PRKCA: variants seen among roughly 807,000 people sequenced by gnomAD.
PRKCA encodes the protein protein kinase C alpha.
In PRKCA, 27 loss-of-function variants were observed where a neutral mutation model predicts 87.0. The ratio of observed to expected loss-of-function variants is 0.31; its 90% confidence interval spans 0.23 to 0.43. The LOEUF (loss-of-function observed/expected upper bound fraction) is 0.43. Ranked by LOEUF, PRKCA falls within the 20% of genes least tolerant of loss-of-function variation. The pLI is 1.00. For synonymous variants in PRKCA, 329 were observed against 311.1 expected (o/e 1.06, Z -0.61); for missense variants, 518 against 852.3 (o/e 0.61, Z 4.88).
intron 3 of PRKCA, among the ~76,000 whole-genome samples, chr17:66,512,568 T>A (rs1293662738): frequency 6.6e-6 from 1 of 151,828 alleles, no homozygotes; most frequent in African/African-American, 2.4e-5. Context: ...GACCAGAACA[T>A]CCCAAGCTCA....
At chr17:66,604,382 T>C (rs1970150196) in intron 3 of PRKCA, among the ~76,000 whole-genome samples, 1 of 152,234 alleles carries the variant, frequency 6.6e-6, no homozygotes, top group South Asian at 2.1e-4. Context: ...CCGAAGGCCA[T>C]GCACAGTTAT....
intron 2 of PRKCA, among the ~76,000 whole-genome samples, chr17:66,353,411 CTTCTGTTTTGAA>C (rs1907871865): frequency 6.6e-6 from 1 of 152,102 alleles, no homozygotes; most frequent in African/African-American, 2.4e-5. Flanking sequence ...TCCCTTCCGA[CTTCTGTTTTGAA>C]AGCACCAAGG....
At chr17:66,410,131 A>G (rs1306743866) in intron 2 of PRKCA, among the ~76,000 whole-genome samples, 2 of 152,200 alleles carry the variant, frequency 1.3e-5, no homozygotes, top group Non-Finnish European at 2.9e-5. Flanking sequence ...CCCTTTCACT[A>G]AACTTTATAG....
intron 2 of PRKCA, among the ~76,000 whole-genome samples, chr17:66,379,735 G>T (rs943835368): frequency 3.9e-5 from 6 of 152,184 alleles, no homozygotes; most frequent in African/African-American, 1.4e-4. Flanking sequence ...AGTCCAGTTT[G>T]TCTTTTTTTG....
At chr17:66,614,405 A>C (rs1482260020) in intron 3 of PRKCA, among the ~76,000 whole-genome samples, 1 of 152,192 alleles carries the variant, frequency 6.6e-6, no homozygotes, top group Non-Finnish European at 1.5e-5. Flanking sequence ...TTTTGCATCA[A>C]TTATCTCCTT....
intron 14 of PRKCA, chr17:66,774,519 A>T: frequency 1.4e-6 from 1 of 702,584 alleles, no homozygotes; most frequent in Non-Finnish European, 1.8e-6. Flanking sequence ...TACTTGAGCT[A>T]CTGAGGCATG....
chr17:66,480,347 A>G (rs907055722), intron 2 of PRKCA, among the ~76,000 whole-genome samples: 1 of 152,250 alleles, frequency 6.6e-6, no homozygotes, highest in African/African-American at 2.4e-5. Context: ...ATGTTTTATT[A>G]GTTCCCAACA....
chr17:66,510,401 A>AC (rs1432153207), intron 3 of PRKCA, among the ~76,000 whole-genome samples: 3 of 152,138 alleles, frequency 2.0e-5, no homozygotes, highest in Non-Finnish European at 4.4e-5. Flanking sequence ...CCTCATGAGC[A>AC]TTTTTTGGTT....
chr17:66,421,428 GTTTTTT>G (rs55825622), intron 2 of PRKCA, among the ~76,000 whole-genome samples: 1 of 116,906 alleles, frequency 8.6e-6, no homozygotes, highest in Non-Finnish European at 1.8e-5. Context: ...CACAGCCTCT[GTTTTTT>G]TTTTTTTTTT....
intron 2 of PRKCA, among the ~76,000 whole-genome samples, chr17:66,308,029 T>C (rs1159948300): frequency 6.6e-6 from 1 of 152,186 alleles, no homozygotes; most frequent in Non-Finnish European, 1.5e-5. Context: ...TCTGCCTTAC[T>C]CTGCTTAGTG....
At chr17:66,788,779 G>C in intron 15 of PRKCA, 60 bp from the exon 16 acceptor site, 1 of 1,576,690 alleles carries the variant, frequency 6.3e-7, no homozygotes, top group South Asian at 1.2e-5. Flanking sequence ...CAAATGGAAG[G>C]TGCTGTCTGT....
intron 2 of PRKCA, among the ~76,000 whole-genome samples, chr17:66,410,015 G>A (rs1302662815): frequency 1.3e-5 from 2 of 152,206 alleles, no homozygotes; most frequent in African/African-American, 4.8e-5. Context: ...TCGTTTGTGT[G>A]TTCATTCCTT....
chr17:66,485,331 A>G (rs1915948790), intron 2 of PRKCA, among the ~76,000 whole-genome samples: 1 of 152,200 alleles, frequency 6.6e-6, no homozygotes, highest in Non-Finnish European at 1.5e-5. Flanking sequence ...TGAAAGGTAC[A>G]TTGCTTCTCG....
intron 3 of PRKCA, among the ~76,000 whole-genome samples, chr17:66,588,921 A>G (rs1164393251): frequency 6.6e-6 from 1 of 152,092 alleles, no homozygotes; most frequent in Non-Finnish European, 1.5e-5. Context: ...GATTACAGAC[A>G]TGAGCCACTG....
At chr17:66,343,815 G>A (rs919393305) in intron 2 of PRKCA, among the ~76,000 whole-genome samples, 1 of 152,166 alleles carries the variant, frequency 6.6e-6, no homozygotes, top group African/African-American at 2.4e-5. Flanking sequence ...TGATGGAAGA[G>A]GAACTTGATG....
At chr17:66,607,103 T>C (rs574367510) in intron 3 of PRKCA, among the ~76,000 whole-genome samples, 5 of 152,368 alleles carry the variant, frequency 3.3e-5, no homozygotes, top group African/African-American at 1.2e-4. Context: ...CTAAGAGTTA[T>C]GCTTCCTAGA....
intron 3 of PRKCA, among the ~76,000 whole-genome samples, chr17:66,522,479 C>T (rs946014061): frequency 1.7e-4 from 26 of 151,986 alleles, no homozygotes; most frequent in Admixed American, 4.6e-4. Flanking sequence ...GCACCTTGAG[C>T]GAAGTGAAAT....
chr17:66,684,014 C>A (rs1297045928), intron 5 of PRKCA, among the ~76,000 whole-genome samples: 2 of 152,184 alleles, frequency 1.3e-5, no homozygotes, highest in Admixed American at 6.5e-5. Flanking sequence ...ATCTTCCTTA[C>A]AACTATTCCT....
intron 8 of PRKCA, among the ~76,000 whole-genome samples, chr17:66,698,465 A>G (rs1317998648): frequency 2.0e-5 from 3 of 152,302 alleles, no homozygotes; most frequent in African/African-American, 2.4e-5. Context: ...GGAAAATTCA[A>G]TAGAGAGTGA....
Sources: gnomAD v4.1 joint callset for allele counts (sites outside exome capture counted in the v4.1 genomes callset) on GRCh38, gnomAD v4.1.1 for gene constraint, MANE v1.5 for transcripts, NCBI Gene and HGNC (gene_info 2026-07-23, HGNC 2026-07-21) for gene names.